Variants in CLVS1 observed in about 807,000 individuals in gnomAD.
The protein encoded by CLVS1 is clavesin 1.
In CLVS1, 10 loss-of-function variants were observed where a neutral mutation model predicts 33.1. The observed-to-expected ratio is 0.30, with a 90% CI of 0.19 to 0.51. The LOEUF (loss-of-function observed/expected upper bound fraction) is 0.51, where lower values mean the gene tolerates loss of function less well. CLVS1 is among the 20% of genes least tolerant of loss of function. The pLI, the probability that CLVS1 is intolerant of heterozygous loss-of-function variation, is 0.97. For synonymous variants in CLVS1, 163 were observed against 166.1 expected, an observed-to-expected ratio of 0.98 and a Z score of 0.14; for missense variants, 343 against 433.4, an observed-to-expected ratio of 0.79 and a Z score of 1.85.
intron 2 of CLVS1, among the ~76,000 whole-genome samples, chr8:61,143,969 T>C (rs893448514): frequency 1.3e-5 from 2 of 151,140 alleles, no homozygotes; most frequent in African/African-American, 4.9e-5. Context: ...GCATTCTTGT[T>C]TGAATTACCT....
At chr8:61,258,733 G>A (rs1038535088) in intron 2 of CLVS1, among the ~76,000 whole-genome samples, 1 of 152,124 alleles carries the variant, frequency 6.6e-6, no homozygotes, top group African/African-American at 2.4e-5. Flanking sequence ...GTCATAAAAG[G>A]GAGTTGTAAG....
intron 5 of CLVS1, among the ~76,000 whole-genome samples, chr8:61,467,486 A>G (rs1033661538): frequency 2.6e-5 from 4 of 152,064 alleles, no homozygotes; most frequent in Admixed American, 6.5e-5. Flanking sequence ...ACCCATCACC[A>G]TGGCCAGGGA....
At chr8:61,178,778 T>C (rs1807170096) in intron 2 of CLVS1, among the ~76,000 whole-genome samples, 1 of 152,208 alleles carries the variant, frequency 6.6e-6, no homozygotes, top group Admixed American at 6.5e-5. Flanking sequence ...TAAAATCCTT[T>C]CCAGACAAGC....
chr8:61,238,276 T>A (rs753983661), intron 2 of CLVS1, among the ~76,000 whole-genome samples: 16 of 152,152 alleles, frequency 1.1e-4, no homozygotes, highest in Non-Finnish European at 1.9e-4. Flanking sequence ...CTAGCCTTCC[T>A]TCTGTCCATT....
At chr8:61,054,219 C>G (rs1274627349), upstream of CLVS1, among the ~76,000 whole-genome samples, 1 of 152,178 alleles carries the variant, frequency 6.6e-6, no homozygotes, top group East Asian at 1.9e-4. Flanking sequence ...TGGGCACGAC[C>G]AAACAGGGTC....
intron 2 of CLVS1, among the ~76,000 whole-genome samples, chr8:61,270,380 G>T (rs1186732333): frequency 1.3e-5 from 2 of 152,194 alleles, no homozygotes; most frequent in Admixed American, 6.5e-5. Context: ...GATTATTGTG[G>T]ATAAGCTTTT....
At chr8:61,353,181 G>A (rs373977067) in intron 2 of CLVS1, among the ~76,000 whole-genome samples, 15 of 152,012 alleles carry the variant, frequency 9.9e-5, no homozygotes, top group African/African-American at 2.9e-4. Context: ...TTTGAACAAC[G>A]CAATCAACCA....
chr8:61,461,497 A>T (rs966638832), intron 5 of CLVS1, among the ~76,000 whole-genome samples: 2 of 152,192 alleles, frequency 1.3e-5, no homozygotes, highest in African/African-American at 4.8e-5. Context: ...TTATTTTGGT[A>T]CAAAAATTTT....
intron 3 of CLVS1, among the ~76,000 whole-genome samples, chr8:61,415,807 C>T (rs1815406360): frequency 1.3e-5 from 2 of 152,122 alleles, no homozygotes; most frequent in South Asian, 2.1e-4. Flanking sequence ...CTAGTGATCC[C>T]AAATGGTGCA....
upstream of CLVS1, among the ~76,000 whole-genome samples, chr8:61,055,968 C>T (rs1164180691): frequency 6.6e-6 from 1 of 152,242 alleles, no homozygotes. Context: ...CCAGGAGTCT[C>T]ATTCTGGTTG....
intron 2 of CLVS1, among the ~76,000 whole-genome samples, chr8:61,193,424 C>A (rs1807536834): frequency 6.6e-6 from 1 of 151,864 alleles, no homozygotes; most frequent in Non-Finnish European, 1.5e-5. Context: ...ATGTAAATGA[C>A]AAGTTAATGG....
intron 2 of CLVS1, among the ~76,000 whole-genome samples, chr8:61,216,417 G>A (rs1371175129): frequency 2.0e-5 from 3 of 152,168 alleles, no homozygotes; most frequent in African/African-American, 7.2e-5. Context: ...CTGAAGGAAG[G>A]AGTTTAGCAG....
intron 2 of CLVS1, among the ~76,000 whole-genome samples, chr8:61,198,660 G>A (rs73253712): frequency 0.021 from 3,178 of 152,252 alleles, 109 homozygotes; most frequent in African/African-American, 0.071. Flanking sequence ...GATAACAGGC[G>A]TGAGCCACTT....
At chr8:61,083,778 G>A (rs925997077) in intron 1 of CLVS1, among the ~76,000 whole-genome samples, 7 of 151,914 alleles carry the variant, frequency 4.6e-5, no homozygotes, top group African/African-American at 1.7e-4. Context: ...GATGGAGATG[G>A]AGGAAAGAAT....
At chr8:61,058,225 C>T (rs1490605727) in intron 1 of CLVS1, among the ~76,000 whole-genome samples, 1 of 152,030 alleles carries the variant, frequency 6.6e-6, no homozygotes, top group Non-Finnish European at 1.5e-5. Flanking sequence ...TGGCAGTTGG[C>T]AGTGTAAATT....
chr8:61,044,624 T>C, the CLVS1 span, among the ~76,000 whole-genome samples: 1 of 152,162 alleles, frequency 6.6e-6, no homozygotes, highest in Admixed American at 6.6e-5. Context: ...AAAACCAAGC[T>C]TGGCACACAA....
At position 61,416,540 on chromosome 8, in the gene CLVS1, G is replaced by A. The variant is rs115048731; in HGVS notation, c.631-37601G>A. ...TGAGTCTCACATCTCTGTATAATGG[G>A]CATTAGCTCCATCAAAAAGAGCAAG... On this transcript the variant is annotated intron_variant, in intron 3 of 5. Coordinates refer to ENST00000325897, the MANE Select transcript of CLVS1 (RefSeq NM_173519.3). Among the ~76,000 whole-genome samples the A allele has an allele frequency of 8.2e-3, 1,242 of 152,212 alleles. 19 individuals are homozygous for A. The highest frequency in any genetic ancestry group is 0.029 in the African/African-American group (1,189 of 41,516).
chr8:61,470,813 C>G (rs145441343), intron 5 of CLVS1, among the ~76,000 whole-genome samples: 1 of 152,326 alleles, frequency 6.6e-6, no homozygotes, highest in Non-Finnish European at 1.5e-5. Flanking sequence ...TTGTAGATAT[C>G]AGCTGAGCTT....
At chr8:61,305,315 C>A (rs1346110985) in intron 2 of CLVS1, among the ~76,000 whole-genome samples, 2 of 151,786 alleles carry the variant, frequency 1.3e-5, no homozygotes, top group Non-Finnish European at 2.9e-5. Flanking sequence ...CTTTGTTCCC[C>A]CTTCATCCTC....
Sources: gnomAD v4.1 joint callset for allele counts (sites outside exome capture counted in the v4.1 genomes callset) on GRCh38, gnomAD v4.1.1 for gene constraint, MANE v1.5 for transcripts, NCBI Gene and HGNC (gene_info 2026-07-23, HGNC 2026-07-21) for gene names.